CASP5: variants seen among roughly 807,000 people sequenced by gnomAD.
CASP5 encodes caspase 5.
CASP5 carries 42 observed loss-of-function variants against 45.2 expected under a neutral mutation model. That is an observed-to-expected ratio of 0.93 (90% CI 0.73 to 1.20). The LOEUF (loss-of-function observed/expected upper bound fraction) is 1.20. Among genes scored for constraint, CASP5 ranks in the 50% most tolerant of loss-of-function variants. The pLI, the probability that CASP5 is intolerant of heterozygous loss-of-function variation, is 0.00. For missense variants in CASP5, 512 were observed against 532.2 expected (o/e 0.96, Z 0.37); for synonymous variants, 209 against 186.2 (o/e 1.12, Z -1.00).
intron 1 of CASP5, among the ~76,000 whole-genome samples, chr11:105,017,029 A>AC (rs1280585128): frequency 3.3e-5 from 5 of 151,252 alleles, no homozygotes; most frequent in Admixed American, 6.6e-5. Context: ...ACTGGGAGGC[A>AC]CCCCCCAGCA....
intron 1 of CASP5, among the ~76,000 whole-genome samples, chr11:105,019,741 G>A (rs1862840277): frequency 6.9e-6 from 1 of 144,770 alleles, no homozygotes; most frequent in Non-Finnish European, 1.5e-5. Context: ...GGAGGAACTG[G>A]TACCATTCCT....
chr11:105,009,718 CACATATATATATAT>C (rs1318387951), intron 1 of CASP5, among the ~76,000 whole-genome samples: 40 of 83,518 alleles, frequency 4.8e-4, no homozygotes, highest in South Asian at 1.2e-3. Context: ...TATATATACA[CACATATATATATAT>C]ATATATATAT....
rs1231221134 is a variant in CASP5, at chr11:104,994,243, TAC to T, written c.*107_*108del. 11 of 152,318 alleles carry T rather than the reference TAC, an allele frequency of 7.2e-5. No individual in the cohort carries two copies. The South Asian group carries it at 2.1e-3, about 29-fold the overall frequency. 9.4% of individuals were successfully genotyped at this position (152,318 alleles called of 1,614,324 possible). On this transcript the variant is annotated 3_prime_UTR_variant, in exon 10 of 10. Transcript: ENST00000260315. ...ATACAGTTCATACAATCTAAAAAGA[TAC>T]AGTCTTTACTTTTATTGAAATACCA... is the stretch of plus-strand genomic sequence containing the variant.
At chr11:105,020,680 A>G (rs187140799) in intron 1 of CASP5, among the ~76,000 whole-genome samples, 23,022 of 151,836 alleles carry the variant, frequency 0.15, 1,970 homozygotes, top group Admixed American at 0.24. Context: ...ATGGAAGAAC[A>G]TTCCATGCTC....
chr11:105,009,770 C>CACACAT (rs1491178677), intron 1 of CASP5, among the ~76,000 whole-genome samples: 1 of 42,974 alleles, frequency 2.3e-5, no homozygotes, highest in Non-Finnish European at 4.5e-5. Context: ...CACACACACA[C>CACACAT]GTATATATAT....
chr11:105,009,806 T>TATATAC (rs1465577628), intron 1 of CASP5, among the ~76,000 whole-genome samples: 1 of 105,382 alleles, frequency 9.5e-6, no homozygotes, highest in African/African-American at 4.6e-5. Flanking sequence ...TATATATATA[T>TATATAC]ACACACACAT....
chr11:105,018,799 G>A (rs1332051697), intron 1 of CASP5, among the ~76,000 whole-genome samples: 2 of 139,546 alleles, frequency 1.4e-5, no homozygotes, highest in African/African-American at 5.2e-5. Flanking sequence ...TCTGCACCAA[G>A]CGGACCTAAT....
intron 8 of CASP5, 85 bp downstream of exon 8, chr11:104,997,296 CTG>C (rs1861508419): frequency 7.1e-6 from 7 of 984,454 alleles, no homozygotes; most frequent in Non-Finnish European, 1.1e-5. Flanking sequence ...GCCTGAAAAA[CTG>C]TGTCATTTTT....
intron 1 of CASP5, among the ~76,000 whole-genome samples, chr11:105,010,642 A>G (rs958808030): frequency 2.0e-5 from 3 of 151,408 alleles, no homozygotes; most frequent in Non-Finnish European, 1.5e-5. Context: ...TATCAATTTT[A>G]TAAGTCATTT....
chr11:105,008,675 T>C, intron 2 of CASP5, 132 bp downstream of exon 2: 1 of 676,850 alleles, frequency 1.5e-6, no homozygotes, highest in Non-Finnish European at 2.5e-6. Context: ...AAGGAAAAAT[T>C]ATAGGTTTGG....
At chr11:105,020,287 G>C (rs1427193125) in intron 1 of CASP5, among the ~76,000 whole-genome samples, 1 of 151,806 alleles carries the variant, frequency 6.6e-6, no homozygotes. Flanking sequence ...ATTCAACATA[G>C]TGTTGGAAGT....
rs759285379 is a variant in CASP5, at chr11:104,995,718, TC to T, written c.*4+21del. ...TATAGCTCTTTCATTTATTTCACCC[TC>T]CAACAACTCTCAATACTTACATTTT... On this transcript the variant is annotated intron_variant, in intron 9 of 9. Coordinates refer to ENST00000260315, the MANE Select transcript of CASP5 (RefSeq NM_004347.5). The T allele has an allele frequency of 9.4e-6, 14 of 1,485,054 alleles. No homozygotes were observed. The East Asian group carries it at 1.4e-4, about 14-fold the overall frequency. 92.0% of individuals were successfully genotyped at this position (1,485,054 alleles called of 1,614,324 possible).
At chr11:105,014,831 A>G (rs1011445212) in intron 1 of CASP5, among the ~76,000 whole-genome samples, 2 of 152,206 alleles carry the variant, frequency 1.3e-5, no homozygotes, top group Non-Finnish European at 2.9e-5. Context: ...CATTGTAAGA[A>G]TTTAAATAAC....
intron 1 of CASP5, among the ~76,000 whole-genome samples, chr11:105,009,728 T>C (rs970392336): frequency 0.011 from 386 of 34,360 alleles, 7 homozygotes; most frequent in East Asian, 0.073. Flanking sequence ...CACATATATA[T>C]ATATATATAT....
At chr11:105,023,013 C>T (rs1863053311) in intron 1 of CASP5, 117 bp downstream of exon 1, 6 of 899,250 alleles carry the variant, frequency 6.7e-6, no homozygotes, top group South Asian at 5.7e-5. Flanking sequence ...AAAGATTCAG[C>T]ATGCACACTA....
intron 4 of CASP5, 81 bp downstream of exon 4, chr11:105,003,180 ACAGAGCAAGACCC>A: frequency 1.2e-6 from 1 of 808,736 alleles, no homozygotes. Context: ...AGGCTGGGCA[ACAGAGCAAGACCC>A]CATTTTTAAA....
intron 1 of CASP5, among the ~76,000 whole-genome samples, chr11:105,020,956 C>T (rs1670203178): frequency 6.6e-6 from 1 of 152,090 alleles, no homozygotes; most frequent in Non-Finnish European, 1.5e-5. Context: ...GGTACCAACA[C>T]AGAGATATAG....
At chr11:105,000,167 G>T (rs1565380747) in intron 6 of CASP5, 94 bp downstream of exon 6, 2 of 1,260,884 alleles carry the variant, frequency 1.6e-6, no homozygotes, top group Non-Finnish European at 2.3e-6. Flanking sequence ...TGCACTGGAT[G>T]GGGTCTAACA....
chr11:105,007,445 T>C (rs1862065687), intron 2 of CASP5, 111 bp from the exon 3 acceptor site: 1 of 1,060,594 alleles, frequency 9.4e-7, no homozygotes, highest in African/African-American at 1.6e-5. Flanking sequence ...CATTCTATTT[T>C]ACCATGTCTC....
Sources: allele counts gnomAD v4.1 joint callset (sites outside exome capture counted in the v4.1 genomes callset), GRCh38; gene constraint gnomAD v4.1.1; transcripts MANE v1.5; gene names NCBI Gene and HGNC (gene_info 2026-07-23, HGNC 2026-07-21).